Variants in PDIA3 observed in about 807,000 individuals in gnomAD.
The protein encoded by PDIA3 is protein disulfide isomerase family A member 3, also known as protein disulfide-isomerase A3.
A neutral mutation model predicts 56.9 loss-of-function variants in PDIA3; 16 were observed. That is an observed-to-expected ratio of 0.28 (90% CI 0.19 to 0.43). The LOEUF (loss-of-function observed/expected upper bound fraction) is 0.43, where lower values mean the gene tolerates loss of function less well. PDIA3 is among the 20% of genes least tolerant of loss of function. The pLI is 1.00. For synonymous variants in PDIA3, 192 were observed against 216.5 expected (o/e 0.89, Z 0.99); for missense variants, 485 against 621.3 (o/e 0.78, Z 2.33).
chr15:43,755,869 G>A (rs1368368509), intron 2 of PDIA3, among the ~76,000 whole-genome samples: 3 of 150,828 alleles, frequency 2.0e-5, no homozygotes, highest in Non-Finnish European at 4.4e-5. Context: ...AGCTGAGTTC[G>A]TGCCATTGCA....
rs771558019 is a variant in PDIA3 at position 43,763,124 on chromosome 15, G to A, written c.520G>A (p.Ala174Thr). The A allele has an allele frequency of 6.8e-6, 11 of 1,614,020 alleles. No individual in the cohort carries two copies. The highest frequency in any genetic ancestry group is 9.3e-6 in the Non-Finnish European group (11 of 1,179,988). The change falls in exon 5 of 13, where the codon GCA (alanine) becomes ACA (threonine). Residue 174 changes from alanine (A) to threonine (T), a missense_variant. By Grantham distance (58) the Ala-to-Thr change is moderately conservative. Transcript: ENST00000300289. Reference protein sequence around the residue: ...FSEAHSEFLKAASNLRDNYRF... With the variant: ...FSEAHSEFLKTASNLRDNYRF... ...TGAGGCTCACTCCGAGTTCCTAAAA[G>A]CAGCCAGCAACTTGAGGGATAACTA...
chr15:43,757,336 A>G (rs995905351), intron 3 of PDIA3, among the ~76,000 whole-genome samples: 2 of 152,060 alleles, frequency 1.3e-5, no homozygotes, highest in African/African-American at 2.4e-5. Context: ...AGGCAGGTGG[A>G]TCACGAGGTC....
At chr15:43,748,369 T>A (rs1010685441) in intron 1 of PDIA3, among the ~76,000 whole-genome samples, 1 of 151,924 alleles carries the variant, frequency 6.6e-6, no homozygotes, top group Non-Finnish European at 1.5e-5. Context: ...TCCCAGCTAC[T>A]CAGGAAGCTG....
chr15:43,746,767 G>T, intron 1 of PDIA3, 61 bp downstream of exon 1: 2 of 1,579,488 alleles, frequency 1.3e-6, no homozygotes, highest in South Asian at 1.1e-5. Flanking sequence ...GCGAGAGCGC[G>T]GGGAACTGTT....
intron 2 of PDIA3, 33 bp from the exon 3 acceptor site, chr15:43,756,616 A>G (rs369048042): frequency 1.6e-6 from 2 of 1,229,168 alleles, no homozygotes; most frequent in Non-Finnish European, 2.4e-6. Flanking sequence ...AGAAACTTGG[A>G]TAAGAAAATA....
At chr15:43,757,630 G>A (rs891296824) in intron 3 of PDIA3, among the ~76,000 whole-genome samples, 1 of 151,776 alleles carries the variant, frequency 6.6e-6, no homozygotes, top group Non-Finnish European at 1.5e-5. Flanking sequence ...GGAGGCTGAG[G>A]TGGGCAGATC....
chr15:43,758,298 T>C (rs916236075), intron 3 of PDIA3, among the ~76,000 whole-genome samples: 2 of 152,112 alleles, frequency 1.3e-5, no homozygotes. Context: ...TTGGAAACTT[T>C]GTGCACTATT....
chr15:43,749,744 A>G lies in PDIA3; in HGVS notation c.167+3038A>G, dbSNP rs1174838954. 1.1e-4 allele frequency among the ~76,000 whole-genome samples: 16 copies of G among 152,276 alleles called. No individual in the cohort carries two copies. The East Asian group carries it at 2.9e-3, about 28-fold the overall frequency. ...GGAGGCAGTGGCGAGGTAAGAGACC[A>G]GCCTGGGCAGCATGGCCAGACCCCA... On this transcript the variant is annotated intron_variant, in intron 1 of 12. Transcript: ENST00000300289.
chr15:43,759,986 G>A (rs1053805900), intron 3 of PDIA3, among the ~76,000 whole-genome samples: 7 of 152,148 alleles, frequency 4.6e-5, no homozygotes, highest in Non-Finnish European at 1.0e-4. Flanking sequence ...CTACTCGGGA[G>A]GCTGAGGCAG....
chr15:43,752,772 T>G, intron 1 of PDIA3: 1 of 470,956 alleles, frequency 2.1e-6, no homozygotes, highest in South Asian at 1.5e-5. Context: ...TCTTCTCTAT[T>G]ATATTTCTAT....
intron 9 of PDIA3, among the ~76,000 whole-genome samples, chr15:43,768,978 T>C (rs2086865381): frequency 1.3e-5 from 2 of 150,542 alleles, no homozygotes; most frequent in South Asian, 2.1e-4. Flanking sequence ...GAGTCAAGAT[T>C]ATGCCACTGC....
At chr15:43,761,898 C>T (rs2086818901) in intron 4 of PDIA3, among the ~76,000 whole-genome samples, 1 of 152,074 alleles carries the variant, frequency 6.6e-6, no homozygotes, top group Non-Finnish European at 1.5e-5. Flanking sequence ...AGATTTGACT[C>T]ACAATAGGGT....
Position 43,746,662 on chromosome 15 carries a change from C to G in PDIA3, c.123C>G (p.Asp41Glu). ...ACAACTTCGAGAGTCGCATCTCCGACACGGGCTCTGCGGGCCTCATGCTCG... is the reference window on the plus strand; with the variant it reads ...ACAACTTCGAGAGTCGCATCTCCGAGACGGGCTCTGCGGGCCTCATGCTCG... ...TDDNFESRIS[D>E]TGSAGLMLVE... Residue 41 changes from aspartate to glutamate, a missense_variant, in exon 1 of 13, where the codon GAC (aspartate) becomes GAG (glutamate). Transcript: ENST00000300289. The G allele has an allele frequency of 6.2e-7, 1 of 1,612,976 alleles. No individual in the cohort carries two copies.
chr15:43,746,654 A>C lies in PDIA3; in HGVS notation c.115A>C (p.Ile39Leu), dbSNP rs1855476724. Residue 39 changes from isoleucine to leucine, a missense_variant, in exon 1 of 13, where the codon ATC becomes CTC. Physicochemically the swap from Ile to Leu is conservative, Grantham distance 5 (BLOSUM62 2). Coordinates refer to ENST00000300289, the MANE Select transcript of PDIA3 (RefSeq NM_005313.5). Reference sequence around the variant, plus strand: ...CACGGACGACAACTTCGAGAGTCGCATCTCCGACACGGGCTCTGCGGGCCT... The same window carrying C: ...CACGGACGACAACTTCGAGAGTCGCCTCTCCGACACGGGCTCTGCGGGCCT... ...ELTDDNFESRISDTGSAGLML... is the reference protein window; with the variant it reads ...ELTDDNFESRLSDTGSAGLML... 1.2e-6 allele frequency: 2 copies of C among 1,612,894 alleles called. No individual in the cohort carries two copies. The highest frequency in any genetic ancestry group is 1.1e-5 in the South Asian group (1 of 91,088).
At chr15:43,770,363 G>A in intron 11 of PDIA3, 34 bp downstream of exon 11, 1 of 1,542,032 alleles carries the variant, frequency 6.5e-7, no homozygotes, top group Non-Finnish European at 9.0e-7. Context: ...AAGTGTCTAG[G>A]CAATAGATAG....
At chr15:43,758,102 G>A (rs561587644) in intron 3 of PDIA3, among the ~76,000 whole-genome samples, 1 of 152,042 alleles carries the variant, frequency 6.6e-6, no homozygotes, top group African/African-American at 2.4e-5. Flanking sequence ...GCCAGGAGTG[G>A]TGGTACATGC....
chr15:43,753,522 T>A (rs2086757971), intron 1 of PDIA3, among the ~76,000 whole-genome samples: 1 of 152,218 alleles, frequency 6.6e-6, no homozygotes, highest in Non-Finnish European at 1.5e-5. Flanking sequence ...TCTTTAATAA[T>A]GTGGCGTACA....
At chr15:43,758,537 A>T (rs1186485052) in intron 3 of PDIA3, among the ~76,000 whole-genome samples, 2 of 151,684 alleles carry the variant, frequency 1.3e-5, no homozygotes, top group African/African-American at 4.9e-5. Context: ...GCATACCTGT[A>T]ATCCCAGCTA....
In PDIA3 at chr15:43,763,172, G is replaced by A. The variant is rs955674953; in HGVS notation, c.568G>A (p.Glu190Lys). 8 of 1,614,004 alleles carry A rather than the reference G, an allele frequency of 5.0e-6. No homozygotes were observed. The highest frequency in any genetic ancestry group is 6.8e-6 in the Non-Finnish European group (8 of 1,179,982). ...DNYRFAHTNV[E>K]SLVNEYDDNG... ...CTACCGATTTGCACATACGAATGTT[G>A]AGTCTCTGGTGAACGAGTATGATGA... is the stretch of plus-strand genomic sequence containing the variant. The change falls in exon 5 of 13, where the codon GAG (glutamate) becomes AAG (lysine). Residue 190 changes from glutamate to lysine, a missense_variant. By Grantham distance (56) the Glu-to-Lys change is moderately conservative. Coordinates refer to ENST00000300289, the MANE Select transcript of PDIA3 (RefSeq NM_005313.5).
Sources: allele counts gnomAD v4.1 joint callset (sites outside exome capture counted in the v4.1 genomes callset), GRCh38; gene constraint gnomAD v4.1.1; transcripts MANE v1.5; gene names NCBI Gene and HGNC (gene_info 2026-07-23, HGNC 2026-07-21).